The following EPHA6 variants were observed in gnomAD, a reference collection of about 807,000 sequenced individuals.
EPHA6 encodes the protein ephrin type-A receptor 6.
Under a neutral mutation model 112.0 loss-of-function variants are expected in EPHA6, and 50 were observed. The ratio of observed to expected loss-of-function variants is 0.45; its 90% CI spans 0.36 to 0.56. EPHA6 has a LOEUF of 0.56. Ranked by LOEUF, EPHA6 falls within the 20% of genes least tolerant of loss-of-function variation. The pLI is 0.00. For missense variants in EPHA6, 1,280 were observed against 1,417.4 expected, an observed-to-expected ratio of 0.90 and a Z score of 1.56; for synonymous variants, 529 against 490.7, an observed-to-expected ratio of 1.08 and a Z score of -1.03.
chr3:97,404,381 G>C (rs2087198914), intron 5 of EPHA6, among the ~76,000 whole-genome samples: 1 of 151,940 alleles, frequency 6.6e-6, no homozygotes, highest in South Asian at 2.1e-4. Flanking sequence ...TTTTAATTTG[G>C]ATTTTATTTT....
At chr3:97,024,501 C>T (rs549317563) in intron 3 of EPHA6, among the ~76,000 whole-genome samples, 1 of 152,190 alleles carries the variant, frequency 6.6e-6, no homozygotes, top group African/African-American at 2.4e-5. Flanking sequence ...ACTTTAAGTT[C>T]CCAAACATGA....
chr3:96,930,461 G>A (rs1489068768), intron 2 of EPHA6, among the ~76,000 whole-genome samples: 4 of 152,170 alleles, frequency 2.6e-5, no homozygotes, highest in Non-Finnish European at 5.9e-5. Flanking sequence ...CTATAGGGCT[G>A]CTGCAGGTTG....
chr3:96,896,431 C>T (rs1247562684), intron 2 of EPHA6, among the ~76,000 whole-genome samples: 1 of 152,116 alleles, frequency 6.6e-6, no homozygotes, highest in Non-Finnish European at 1.5e-5. Context: ...TTCATTTCTT[C>T]TGTTAAAGTG....
At chr3:97,718,617 G>C (rs1358948654) in intron 14 of EPHA6, among the ~76,000 whole-genome samples, 1 of 151,896 alleles carries the variant, frequency 6.6e-6, no homozygotes, top group Non-Finnish European at 1.5e-5. Context: ...CCCTACTTTG[G>C]GTTCAAGAAT....
chr3:97,607,546 G>T (rs1322891246), intron 12 of EPHA6, among the ~76,000 whole-genome samples: 6 of 151,074 alleles, frequency 4.0e-5, no homozygotes, highest in Non-Finnish European at 8.9e-5. Flanking sequence ...AAGCATTTCT[G>T]GGATATTTAT....
intron 3 of EPHA6, among the ~76,000 whole-genome samples, chr3:97,107,995 A>G (rs1432372476): frequency 6.6e-6 from 1 of 152,206 alleles, no homozygotes; most frequent in Non-Finnish European, 1.5e-5. Flanking sequence ...AAGTGCTAGA[A>G]TTGTTATTGT....
intron 12 of EPHA6, among the ~76,000 whole-genome samples, chr3:97,596,207 A>G (rs996707860): frequency 6.6e-6 from 1 of 152,120 alleles, no homozygotes; most frequent in African/African-American, 2.4e-5. Context: ...GCCCGGCCAT[A>G]TCAGACATAG....
chr3:97,209,388 C>T (rs2077803660), intron 3 of EPHA6, among the ~76,000 whole-genome samples: 1 of 152,056 alleles, frequency 6.6e-6, no homozygotes. Context: ...CACCTGGCTT[C>T]GAGAGCCTGG....
At chr3:97,511,725 T>G (rs1186415816) in intron 10 of EPHA6, among the ~76,000 whole-genome samples, 1 of 152,290 alleles carries the variant, frequency 6.6e-6, no homozygotes, top group Non-Finnish European at 1.5e-5. Context: ...AAAATTTTAA[T>G]CAGTTATAGT....
intron 5 of EPHA6, among the ~76,000 whole-genome samples, chr3:97,288,654 T>G (rs2080562317): frequency 6.6e-6 from 1 of 152,136 alleles, no homozygotes; most frequent in Non-Finnish European, 1.5e-5. Context: ...TCTCCAAATT[T>G]CTTTCCACAG....
At chr3:97,110,194 T>C (rs1362113792) in intron 3 of EPHA6, among the ~76,000 whole-genome samples, 1 of 152,150 alleles carries the variant, frequency 6.6e-6, no homozygotes, top group African/African-American at 2.4e-5. Context: ...ATAAAGTGAC[T>C]AAAATACTTG....
At chr3:96,815,134 GGGATCGA>G in intron 1 of EPHA6, 126 bp downstream of exon 1, 2 of 946,368 alleles carry the variant, frequency 2.1e-6, no homozygotes, top group Non-Finnish European at 3.0e-6. Flanking sequence ...GCCACACGAG[GGGATCGA>G]GGATGTCCCC....
chr3:97,164,457 G>C (rs898887261), intron 3 of EPHA6, among the ~76,000 whole-genome samples: 6 of 152,014 alleles, frequency 3.9e-5, no homozygotes, highest in Admixed American at 2.0e-4. Flanking sequence ...ATTTCTGAAA[G>C]TTTAAACCTC....
At chr3:96,889,931 A>G (rs915625722) in intron 2 of EPHA6, among the ~76,000 whole-genome samples, 30 of 152,074 alleles carry the variant, frequency 2.0e-4, no homozygotes, top group African/African-American at 6.5e-4. Context: ...TGAGAAAAAC[A>G]TTTTTCAATA....
intron 5 of EPHA6, among the ~76,000 whole-genome samples, chr3:97,370,605 G>C (rs1295851283): frequency 2.6e-5 from 4 of 152,082 alleles, no homozygotes; most frequent in Non-Finnish European, 5.9e-5. Context: ...GAATCTAAAG[G>C]AAAAGAGGAA....
At chr3:97,115,579 A>G (rs2047861597) in intron 3 of EPHA6, among the ~76,000 whole-genome samples, 2 of 151,832 alleles carry the variant, frequency 1.3e-5, no homozygotes, top group African/African-American at 4.8e-5. Flanking sequence ...AGCATCATAA[A>G]TATGGAGGCT....
chr3:97,562,655 C>A (rs1235461593), intron 11 of EPHA6, among the ~76,000 whole-genome samples: 2 of 152,118 alleles, frequency 1.3e-5, no homozygotes, highest in Admixed American at 6.6e-5. Flanking sequence ...AACACAGTGG[C>A]AGAGTTTGAG....
intron 1 of EPHA6, among the ~76,000 whole-genome samples, chr3:96,833,916 C>T (rs2034244023): frequency 6.6e-6 from 1 of 151,502 alleles, no homozygotes; most frequent in South Asian, 2.1e-4. Flanking sequence ...TATTATGTAC[C>T]CCTAATAAAA....
chr3:96,927,269 G>A (rs1308147524), intron 2 of EPHA6, among the ~76,000 whole-genome samples: 2 of 152,140 alleles, frequency 1.3e-5, no homozygotes, highest in Non-Finnish European at 2.9e-5. Flanking sequence ...CCTGGGCCTG[G>A]CCCAGGAAAC....
Sources: allele counts gnomAD v4.1 joint callset (sites outside exome capture counted in the v4.1 genomes callset), GRCh38; gene constraint gnomAD v4.1.1; transcripts MANE v1.5; gene names NCBI Gene and HGNC (gene_info 2026-07-23, HGNC 2026-07-21).